The following POLR3G variants were observed in gnomAD, a reference collection of about 807,000 sequenced individuals.
POLR3G encodes RNA polymerase III subunit G.
A neutral mutation model predicts 30.1 loss-of-function variants in POLR3G; 28 were observed. That is an observed-to-expected ratio of 0.93 (90% CI 0.69 to 1.27). The LOEUF (loss-of-function observed/expected upper bound fraction) is 1.27, where lower values mean the gene tolerates loss of function less well. POLR3G is among the 50% of genes most tolerant of loss of function. POLR3G has a pLI of 0.00. For missense variants in POLR3G, 254 were observed against 264.6 expected (o/e 0.96, Z 0.28); for synonymous variants, 79 against 82.5 (o/e 0.96, Z 0.23).
At chr5:90,506,077 A>C (rs1752469877) in intron 6 of POLR3G, among the ~76,000 whole-genome samples, 1 of 151,992 alleles carries the variant, frequency 6.6e-6, no homozygotes, top group South Asian at 2.1e-4. Flanking sequence ...TCTACTAAAA[A>C]AATTAGCCAG....
At position 90,494,538 on chromosome 5, in the gene POLR3G, T is replaced by C. The variant is rs935415363; in HGVS notation, c.248-1139T>C. 7.9e-5 allele frequency among the ~76,000 whole-genome samples: 12 copies of C among 151,898 alleles called. No individual in the cohort carries two copies. The East Asian group carries it at 1.9e-3, about 24-fold the overall frequency. On this transcript the variant is annotated intron_variant, in intron 3 of 7. Transcript: ENST00000651687. ...ATGTATGAGAGTTCCAATTTTTCCA[T>C]ATCCTTGCCAACATTTCTTATTTTT... is the stretch of plus-strand genomic sequence containing the variant.
At chr5:90,484,903 G>A (rs1751357183) in intron 1 of POLR3G, among the ~76,000 whole-genome samples, 2 of 152,160 alleles carry the variant, frequency 1.3e-5, no homozygotes, top group Admixed American at 1.3e-4. Context: ...ATAATCAGAG[G>A]ATTCAAACGT....
chr5:90,512,998 C>G lies in POLR3G; in HGVS notation c.*859C>G, dbSNP rs186681005. On this transcript the variant is annotated 3_prime_UTR_variant, in exon 8 of 8. Transcript: ENST00000651687. Reference sequence around the variant, plus strand: ...TGAAGTGTGGTGGCCTTTTATGTTTCAGAGTACTCAAGTGTACAATTGATT... The same window carrying G: ...TGAAGTGTGGTGGCCTTTTATGTTTGAGAGTACTCAAGTGTACAATTGATT... 2.9e-3 allele frequency: 442 copies of G among 152,076 alleles called. 1 individual carries two copies. The highest frequency in any genetic ancestry group is 0.01 in the African/African-American group (422 of 41,502). 9.4% of individuals were successfully genotyped at this position (152,076 alleles called of 1,614,324 possible).
chr5:90,492,706 C>G (rs968009516), intron 3 of POLR3G, among the ~76,000 whole-genome samples: 1 of 151,728 alleles, frequency 6.6e-6, no homozygotes, highest in Non-Finnish European at 1.5e-5. Context: ...CATGGTGAAA[C>G]CCCGTCTCTA....
At chr5:90,502,054 C>T in intron 6 of POLR3G, 66 bp downstream of exon 6, 1 of 1,550,074 alleles carries the variant, frequency 6.5e-7, no homozygotes, top group Non-Finnish European at 8.7e-7. Context: ...TCGTTTTGCT[C>T]TGTTTCAACC....
intron 4 of POLR3G, among the ~76,000 whole-genome samples, chr5:90,496,949 A>G (rs1266393343): frequency 3.9e-5 from 6 of 152,240 alleles, no homozygotes; most frequent in Non-Finnish European, 8.8e-5. Flanking sequence ...ATTCAAAGCA[A>G]AATTTATTTT....
chr5:90,502,706 C>T (rs1752305403), intron 6 of POLR3G, among the ~76,000 whole-genome samples: 1 of 151,048 alleles, frequency 6.6e-6, no homozygotes, highest in Non-Finnish European at 1.5e-5. Context: ...TTTTTAAAGA[C>T]AGAGATAGCA....
At chr5:90,497,614 C>T (rs756147603) in intron 4 of POLR3G, 42 bp from the exon 5 acceptor site, 1 of 1,568,350 alleles carries the variant, frequency 6.4e-7, no homozygotes, top group Non-Finnish European at 8.6e-7. Flanking sequence ...CCACAAATTC[C>T]TAGAGGAAAC....
chr5:90,504,574 AAG>A (rs1561258068), intron 6 of POLR3G, among the ~76,000 whole-genome samples: 1 of 152,064 alleles, frequency 6.6e-6, no homozygotes, highest in Non-Finnish European at 1.5e-5. Context: ...AAAAAAAAAA[AAG>A]TACTTTTACA....
At chr5:90,473,984 G>A, upstream of POLR3G, 1 of 1,598,742 alleles carries the variant, frequency 6.3e-7, no homozygotes, top group Non-Finnish European at 8.5e-7. Context: ...CCTCGGCCTC[G>A]GCGTGGTGCA....
chr5:90,493,983 T>G (rs1382956409), intron 3 of POLR3G, among the ~76,000 whole-genome samples: 1 of 152,070 alleles, frequency 6.6e-6, no homozygotes, highest in Non-Finnish European at 1.5e-5. Flanking sequence ...AGTGCTGGGA[T>G]TACAGGTGTG....
In POLR3G at chr5:90,501,968, G is replaced by T. The variant is rs1191584331; in HGVS notation, c.418G>T (p.Asp140Tyr). Residue 140 changes from aspartate (D) to tyrosine (Y), a missense_variant, in exon 6 of 8, where the codon GAT becomes TAT. Coordinates refer to ENST00000651687, the MANE Select transcript of POLR3G (RefSeq NM_006467.3). ...AGGCACACCACTCACTAATACTGAA[G>T]ATGTGTTGAAAAAAATGGAGGTAAG... ...GKGTPLTNTE[D>Y]VLKKMEELEK... 1.9e-6 allele frequency: 3 copies of T among 1,612,996 alleles called. No individual in the cohort carries two copies. In the South Asian group the frequency reaches 3.3e-5, roughly 18 times the overall value.
At chr5:90,504,360 A>G (rs1285477613) in intron 6 of POLR3G, among the ~76,000 whole-genome samples, 2 of 147,820 alleles carry the variant, frequency 1.4e-5, no homozygotes, top group Non-Finnish European at 2.9e-5. Context: ...GGAGATCGAG[A>G]CCATCCTGGC....
At chr5:90,502,621 A>G (rs1452708949) in intron 6 of POLR3G, among the ~76,000 whole-genome samples, 1 of 152,134 alleles carries the variant, frequency 6.6e-6, no homozygotes. Context: ...CTTCCTATAG[A>G]CAACCAATGT....
At chr5:90,487,804 T>C (rs1751522326) in intron 2 of POLR3G, among the ~76,000 whole-genome samples, 196 bp from the exon 3 acceptor site, 1 of 152,180 alleles carries the variant, frequency 6.6e-6, no homozygotes, top group Admixed American at 6.5e-5. Flanking sequence ...TTCTTACCTC[T>C]AATAGAAGAG....
At chr5:90,485,798 A>C in intron 2 of POLR3G, 114 bp downstream of exon 2, 1 of 689,784 alleles carries the variant, frequency 1.4e-6, no homozygotes, top group Non-Finnish European at 2.4e-6. Flanking sequence ...ATAAGAAAGT[A>C]AAGGAGAGTG....
rs186916414 is a variant in POLR3G at position 90,484,057 on chromosome 5, G to A, written c.-43-1468G>A. Among the ~76,000 whole-genome samples, 90 of 152,270 alleles carry A rather than the reference G, an allele frequency of 5.9e-4. 1 individual carries two copies. The highest frequency in any genetic ancestry group is 2.1e-3 in the African/African-American group (86 of 41,554). On this transcript the variant is annotated intron_variant, in intron 1 of 7. Coordinates refer to ENST00000651687, the MANE Select transcript of POLR3G (RefSeq NM_006467.3). ...TCTACCAATACTCTTAACATTTGCT[G>A]TGTATTAGAATCACCTGGGAAGCTT...
Position 90,488,107 on chromosome 5 carries a change from T to C in POLR3G, c.225T>C (p.Ile75=). Residue 75 remains isoleucine (I), a synonymous_variant, in exon 3 of 8, where the codon ATT becomes ATC. Coordinates refer to ENST00000651687, the MANE Select transcript of POLR3G (RefSeq NM_006467.3). ...RETMKRMPYF[I]ETPEERQDIE... is the part of the protein sequence containing the mutation. ...CAATGAAAAGAATGCCTTATTTTAT[T>C]GAAACACCTGAAGAAAGACAAGGTA... The C allele has an allele frequency of 1.2e-6, 2 of 1,610,822 alleles. No homozygotes were observed. The highest frequency in any genetic ancestry group is 1.7e-6 in the Non-Finnish European group (2 of 1,178,634).
chr5:90,496,038 A>C (rs1044026887), intron 4 of POLR3G, among the ~76,000 whole-genome samples: 1 of 152,026 alleles, frequency 6.6e-6, no homozygotes, highest in Non-Finnish European at 1.5e-5. Context: ...GTGGCACGAT[A>C]TCGGCTCATT....
Sources: allele counts gnomAD v4.1 joint callset (sites outside exome capture counted in the v4.1 genomes callset), GRCh38; gene constraint gnomAD v4.1.1; transcripts MANE v1.5; gene names NCBI Gene and HGNC (gene_info 2026-07-23, HGNC 2026-07-21).